The following RBM26 variants were observed in gnomAD, a reference collection of about 807,000 sequenced individuals.
RBM26 encodes the protein RNA-binding protein 26.
RBM26 carries 30 observed loss-of-function variants against 123.6 expected under a neutral mutation model. The ratio of observed to expected loss-of-function variants is 0.24; its 90% confidence interval spans 0.18 to 0.33. The LOEUF is 0.33. RBM26 is among the 10% of genes least tolerant of loss of function. The probability of loss-of-function intolerance (pLI) is 1.00; values close to 1 mark genes in which losing one functional copy is unlikely to be tolerated. For synonymous variants in RBM26, 400 were observed against 404.4 expected, an observed-to-expected ratio of 0.99 and a Z score of 0.13; for missense variants, 947 against 1,203.6, an observed-to-expected ratio of 0.79 and a Z score of 3.15.
At position 79,371,925 on chromosome 13, in the gene RBM26, A is replaced by T. The variant is rs1376355425; in HGVS notation, c.333T>A (p.Thr111=). The change falls in exon 4 of 22, where the codon ACT becomes ACA. Residue 111 remains threonine (T), a synonymous_variant. Coordinates refer to ENST00000438737, the MANE Select transcript of RBM26 (RefSeq NM_001366735.2). The stretch of plus-strand genomic sequence containing the variant: ...ACTTCTTCTCTCGCTCTTCCTCCTT[A>T]GTGATCTGATTAAAAAAAAAAAAAA... ...QEKDIKKEEI[T]KEEEREKKFS... 7.6e-6 allele frequency: 12 copies of T among 1,569,500 alleles called. No individual in the cohort carries two copies. Among genetic ancestry groups the T allele is most frequent in the Non-Finnish European group, 9.6e-6 (11 of 1,145,044 alleles).
At chr13:79,320,811 A>T in intron 21 of RBM26, 101 bp from the exon 22 acceptor site, 1 of 1,239,834 alleles carries the variant, frequency 8.1e-7, no homozygotes. Context: ...ACAGAGTTGA[A>T]TACAAAAGGT....
chr13:79,325,113 G>A (rs2068174831), intron 20 of RBM26, among the ~76,000 whole-genome samples: 1 of 152,010 alleles, frequency 6.6e-6, no homozygotes, highest in South Asian at 2.1e-4. Flanking sequence ...CGATTGTGCT[G>A]CCAGTCCAGT....
intron 20 of RBM26, among the ~76,000 whole-genome samples, chr13:79,323,661 G>C (rs2067984243): frequency 6.6e-6 from 1 of 151,542 alleles, no homozygotes; most frequent in Non-Finnish European, 1.5e-5. Context: ...AAGAGTTACT[G>C]ACATTTTCAA....
At chr13:79,315,578 T>C (rs2067068497), downstream of RBM26, among the ~76,000 whole-genome samples, 1 of 151,768 alleles carries the variant, frequency 6.6e-6, no homozygotes, top group Non-Finnish European at 1.5e-5. Flanking sequence ...CTTTGGATGA[T>C]GGGAAATGAG....
In RBM26 at chr13:79,359,649, C is replaced by T; in HGVS notation, c.1455G>A (p.Val485=). Residue 485 remains valine, a synonymous_variant, in exon 10 of 22, where the codon GTG becomes GTA. Coordinates refer to ENST00000438737, the MANE Select transcript of RBM26 (RefSeq NM_001366735.2). ...PPNKSSMRIV[V]DSESRKRTIG... ...TGGTTCTTTTCCTTGATTCTGAGTC[C>T]ACTACTATCCTCATACTGCTTTTAT... 6.3e-7 allele frequency: 1 copy of T among 1,594,034 alleles called. No homozygotes were observed. Among genetic ancestry groups the T allele is most frequent in the Non-Finnish European group, 8.5e-7 (1 of 1,172,132 alleles).
At chr13:79,326,142 A>G (rs1172762435) in intron 20 of RBM26, among the ~76,000 whole-genome samples, 3 of 152,218 alleles carry the variant, frequency 2.0e-5, no homozygotes, top group Non-Finnish European at 4.4e-5. Flanking sequence ...TTCAGGTCAT[A>G]TCCCTCTTAA....
At chr13:79,321,148 A>G (rs1025962939) in intron 21 of RBM26, among the ~76,000 whole-genome samples, 2 of 151,372 alleles carry the variant, frequency 1.3e-5, no homozygotes, top group African/African-American at 2.4e-5. Context: ...GTATGCAACA[A>G]ACATTTTCTA....
chr13:79,396,342 A>G (rs2078562597), intron 1 of RBM26, among the ~76,000 whole-genome samples: 1 of 152,220 alleles, frequency 6.6e-6, no homozygotes, highest in Admixed American at 6.5e-5. Context: ...TTGTTCTTTA[A>G]TAAGCTGAAT....
chr13:79,333,438 C>T (rs1215016577), intron 20 of RBM26, among the ~76,000 whole-genome samples: 1 of 152,126 alleles, frequency 6.6e-6, no homozygotes, highest in Non-Finnish European at 1.5e-5. Context: ...AAGCAATGTA[C>T]CACTGTGCTG....
chr13:79,347,480 A>T (rs1277388556), intron 14 of RBM26, among the ~76,000 whole-genome samples: 1 of 152,206 alleles, frequency 6.6e-6, no homozygotes, highest in Non-Finnish European at 1.5e-5. Context: ...TTTCAAAAGA[A>T]GAAAATCTAT....
intron 15 of RBM26, 76 bp from the exon 16 acceptor site, chr13:79,344,398 TG>T: frequency 8.6e-7 from 1 of 1,160,078 alleles, no homozygotes; most frequent in Non-Finnish European, 1.3e-6. Flanking sequence ...GAGAAATAGT[TG>T]TAACTGCAGA....
In RBM26 at chr13:79,352,729, C is replaced by T. The variant is rs150698960; in HGVS notation, c.2058+424G>A. On this transcript the variant is annotated intron_variant, in intron 14 of 21. Transcript: ENST00000438737. ...GATAAATATTACCATCACCATTTTA[C>T]CGATGAGTAAAAAGATTCAGAAAAA... is the stretch of plus-strand genomic sequence containing the variant. Among the ~76,000 whole-genome samples the T allele has an allele frequency of 5.5e-4, 83 of 152,142 alleles. 2 individuals are homozygous for T. The East Asian group carries it at 0.015, about 28-fold the overall frequency.
chr13:79,396,693 A>G (rs1252442812), intron 1 of RBM26, among the ~76,000 whole-genome samples: 6 of 150,950 alleles, frequency 4.0e-5, no homozygotes, highest in Admixed American at 6.6e-5. Context: ...AGAACCCTAA[A>G]TAAATTTTTT....
At chr13:79,367,405 TCAAAAAAAAAAA>T (rs1566475607) in intron 6 of RBM26, among the ~76,000 whole-genome samples, 2 of 10,088 alleles carry the variant, frequency 2.0e-4, no homozygotes, top group Non-Finnish European at 2.4e-4. Flanking sequence ...AGACTCCATC[TCAAAAAAAAAAA>T]AAAAAAAAAA....
At position 79,398,774 on chromosome 13, in the gene RBM26, T is replaced by A. The variant is rs540673596; in HGVS notation, c.71+6930A>T. On this transcript the variant is annotated intron_variant, in intron 1 of 21. Transcript: ENST00000438737. ...TGCTAGGAGTAAAAATGGAAAGAAG[T>A]AGACCCAAAGACTACTTAATCTTCA... 4.6e-5 allele frequency among the ~76,000 whole-genome samples: 7 copies of A among 152,198 alleles called. No individual in the cohort carries two copies. The East Asian group carries it at 1.3e-3, about 29-fold the overall frequency.
At chr13:79,323,634 A>T (rs1307969423) in intron 20 of RBM26, among the ~76,000 whole-genome samples, 2 of 151,684 alleles carry the variant, frequency 1.3e-5, no homozygotes, top group African/African-American at 2.4e-5. Flanking sequence ...GCTAAAAAAA[A>T]TTCACCTAAA....
rs769056701 is a variant in RBM26 at position 79,354,578 on chromosome 13, C to A, written c.1855-8G>T. The A allele has an allele frequency of 1.0e-5, 16 of 1,564,878 alleles. No homozygotes were observed. Among genetic ancestry groups the A allele is most frequent in the Middle Eastern group, 1.7e-4 (1 of 5,844 alleles). On this transcript the variant is annotated splice_region_variant and splice_polypyrimidine_tract_variant and intron_variant, in intron 12 of 21. Transcript: ENST00000438737. Reference sequence around the variant, plus strand: ...GACTAAAGGCTGCATTACCTCAGAACAAGGAAAAAATGTTAAACAAGTTGA... The same window carrying A: ...GACTAAAGGCTGCATTACCTCAGAAAAAGGAAAAAATGTTAAACAAGTTGA...
At chr13:79,368,026 T>A (rs1566479211) in intron 6 of RBM26, among the ~76,000 whole-genome samples, 1 of 3,832 alleles carries the variant, frequency 2.6e-4, no homozygotes, top group African/African-American at 2.8e-4. Context: ...TTTTTATTTT[T>A]TTATTTTTAT....
chr13:79,368,584 T>C (rs554409741), intron 6 of RBM26, 146 bp downstream of exon 6: 3 of 646,240 alleles, frequency 4.6e-6, no homozygotes, highest in African/African-American at 1.8e-5. Context: ...AATGTTTCAA[T>C]CATATTGAGG....
Sources: allele counts gnomAD v4.1 joint callset (sites outside exome capture counted in the v4.1 genomes callset), GRCh38; gene constraint gnomAD v4.1.1; transcripts MANE v1.5; gene names NCBI Gene and HGNC (gene_info 2026-07-23, HGNC 2026-07-21).